Variants in ZSCAN31 observed in about 807,000 individuals in gnomAD.
The protein encoded by ZSCAN31 is zinc finger and SCAN domain containing 31, also known as zinc finger and SCAN domain-containing protein 31.
Under a neutral mutation model 22.5 loss-of-function variants are expected in ZSCAN31, and 14 were observed. That is an observed-to-expected ratio of 0.62 (90% CI 0.41 to 0.97). The LOEUF (loss-of-function observed/expected upper bound fraction) is 0.97, where lower values mean the gene tolerates loss of function less well. Ranked by LOEUF, ZSCAN31 falls within the 50% of genes least tolerant of loss-of-function variation. ZSCAN31 has a pLI of 0.00. For synonymous variants in ZSCAN31, 168 were observed against 169.8 expected (o/e 0.99, Z 0.08); for missense variants, 424 against 483.4 (o/e 0.88, Z 1.15).
At chr6:28,341,321 G>A (rs1764404059) in intron 3 of ZSCAN31, among the ~76,000 whole-genome samples, 1 of 152,222 alleles carries the variant, frequency 6.6e-6, no homozygotes, top group Admixed American at 6.5e-5. Context: ...CCTGAAGGCT[G>A]AGAAGTCCAA....
At chr6:28,327,352 A>G (rs753184153) in intron 3 of ZSCAN31, 31 bp downstream of exon 3, 3 of 1,613,208 alleles carry the variant, frequency 1.9e-6, no homozygotes, top group East Asian at 2.2e-5. Context: ...CCCACCAGAG[A>G]TCTCCTGAAG....
At chr6:28,345,178 GAAAAGA>G (rs1405246274) in intron 2 of ZSCAN31, among the ~76,000 whole-genome samples, 3 of 148,522 alleles carry the variant, frequency 2.0e-5, no homozygotes, top group Non-Finnish European at 3.0e-5. Flanking sequence ...AAAAAGAAAA[GAAAAGA>G]AAAATGATTG....
In ZSCAN31 at chr6:28,329,395, C is replaced by A. The variant is rs774774868; in HGVS notation, c.289G>T (p.Ala97Ser). 41 of 1,614,244 alleles carry A rather than the reference C, an allele frequency of 2.5e-5. 1 individual carries two copies. The East Asian group carries it at 8.9e-4, about 35-fold the overall frequency. ...FLTILPEELQAWVREHHPESG... is the reference protein window; with the variant it reads ...FLTILPEELQSWVREHHPESG... Reference sequence around the variant, plus strand: ...TCCGGATGGTGCTCCCGCACCCAGGCCTGGAGCTCCTCAGGCAGGATAGTC... The same window carrying A: ...TCCGGATGGTGCTCCCGCACCCAGGACTGGAGCTCCTCAGGCAGGATAGTC... Residue 97 changes from alanine to serine, a missense_variant, in exon 2 of 4, where the codon GCC becomes TCC. Coordinates refer to ENST00000344279, the MANE Select transcript of ZSCAN31 (RefSeq NM_030899.5).
Position 28,329,459 on chromosome 6 carries a change from T to C in ZSCAN31, c.225A>G (p.Lys75=). The change falls in exon 2 of 4, where the codon AAA becomes AAG. Residue 75 remains lysine (K), a synonymous_variant. Transcript: ENST00000344279. Reference sequence around the variant, plus strand: ...GCACCAGCAGCTCCAAGATTTGCTCTTTGGTGTGGATTTCTGGCCTTAGCC... The same window carrying C: ...GCACCAGCAGCTCCAAGATTTGCTCCTTGGTGTGGATTTCTGGCCTTAGCC... ...HQWLRPEIHT[K]EQILELLVLE... is the part of the protein sequence containing the mutation. The C allele has an allele frequency of 1.9e-6, 3 of 1,614,162 alleles. No individual in the cohort carries two copies. The South Asian group carries it at 3.3e-5, about 18-fold the overall frequency.
chr6:28,355,785 A>G (rs1304918704), upstream of ZSCAN31: 1 of 152,296 alleles, frequency 6.6e-6, no homozygotes. Flanking sequence ...TCACCCTCCC[A>G]CGAAGGCAAA....
intron 1 of ZSCAN31, among the ~76,000 whole-genome samples, chr6:28,332,091 G>A (rs1581675689): frequency 6.6e-6 from 1 of 152,140 alleles, no homozygotes; most frequent in South Asian, 2.1e-4. Flanking sequence ...TAAGGACAGG[G>A]AAAGGAACAC....
intron 2 of ZSCAN31, among the ~76,000 whole-genome samples, chr6:28,345,156 AAAAAG>A (rs1327752859): frequency 4.3e-4 from 64 of 147,478 alleles, no homozygotes; most frequent in South Asian, 6.4e-4. Context: ...AAAAAAAAAA[AAAAAG>A]AAAAAGAAAA....
chr6:28,334,817 T>C (rs750297309), intron 1 of ZSCAN31, among the ~76,000 whole-genome samples: 1 of 152,276 alleles, frequency 6.6e-6, no homozygotes, highest in Admixed American at 6.5e-5. Flanking sequence ...AAACATGAAC[T>C]AGGTGTTAGG....
rs146522174 is a variant in ZSCAN31, at chr6:28,343,636, C to T, written c.-370-1844G>A. Among the ~76,000 whole-genome samples the T allele has an allele frequency of 9.6e-3, 1,432 of 148,586 alleles. 15 individuals carry two copies. The highest frequency in any genetic ancestry group is 0.016 in the Admixed American group (234 of 14,726). ...TCGGCTCACTGCAAGCTCTGCCTCC[C>T]GGGTTCACGCCATTCTCCTGCTGGG... On this transcript the variant is annotated intron_variant, in intron 2 of 7. Transcript: ENST00000396838.
rs1257289805 is a variant in ZSCAN31 at position 28,327,439 on chromosome 6, G to C, written c.476C>G (p.Pro159Arg). The C allele has an allele frequency of 6.2e-7, 1 of 1,613,992 alleles. No individual in the cohort carries two copies. The highest frequency in any genetic ancestry group is 8.5e-7 in the Non-Finnish European group (1 of 1,180,022). ...KQEPTDIQLQ[P>R]MVTQLRYESF... ...TTCATATCTGAGCTGTGTCACCATA[G>C]GCTGAAGCTGTATGTCTGTTGGTTC... The change falls in exon 3 of 4, where the codon CCT becomes CGT. Residue 159 changes from proline (P) to arginine (R), a missense_variant. Physicochemically the swap from Pro to Arg is moderately radical, Grantham distance 103. Coordinates refer to ENST00000344279, the MANE Select transcript of ZSCAN31 (RefSeq NM_030899.5).
intron 2 of ZSCAN31, among the ~76,000 whole-genome samples, chr6:28,329,010 TCAAGCAGCCC>T (rs1467538584): frequency 6.6e-6 from 1 of 152,108 alleles, no homozygotes; most frequent in African/African-American, 2.4e-5. Flanking sequence ...GTGAGGGCAC[TCAAGCAGCCC>T]CATGAAGAGT....
At position 28,329,586 on chromosome 6, in the gene ZSCAN31, G is replaced by C. The variant is rs1209652936; in HGVS notation, c.98C>G (p.Ser33Cys). ...QETHLRGNNFSGQEASRQLFR... is the reference protein window; with the variant it reads ...QETHLRGNNFCGQEASRQLFR... ...AAGTTGTCGGGAGGCTTCTTGGCCAGAAAAGTTGTTCCCTCGAAGGTGGGT... is the reference window on the plus strand; with the variant it reads ...AAGTTGTCGGGAGGCTTCTTGGCCACAAAAGTTGTTCCCTCGAAGGTGGGT... The change falls in exon 2 of 4, where the codon TCT (serine) becomes TGT (cysteine). Residue 33 changes from serine to cysteine, a missense_variant. Coordinates refer to ENST00000344279, the MANE Select transcript of ZSCAN31 (RefSeq NM_030899.5). 6.2e-7 allele frequency: 1 copy of C among 1,614,218 alleles called. No homozygotes were observed. The highest frequency in any genetic ancestry group is 1.3e-5 in the African/African-American group (1 of 75,054).
intron 1 of ZSCAN31, among the ~76,000 whole-genome samples, chr6:28,334,295 C>A (rs1312926459): frequency 6.6e-6 from 1 of 152,136 alleles, no homozygotes. Flanking sequence ...TGCCTGTAAT[C>A]CACAAAGGAA....
chr6:28,326,702 G>T lies in ZSCAN31; in HGVS notation c.685C>A (p.Gln229Lys), dbSNP rs142209570. Residue 229 changes from glutamine to lysine, a missense_variant, in exon 4 of 4, where the codon CAG becomes AAG. By Grantham distance (53) the Gln-to-Lys change is moderately conservative. Coordinates refer to ENST00000344279, the MANE Select transcript of ZSCAN31 (RefSeq NM_030899.5). ...TCKRDSKAEK[Q>K]QAHSTGERRH... ...CTCTCTCCAGTGGAATGTGCCTGCT[G>T]CTTTTCTGCCTTGCTGTCTCGTTTA... 2 of 1,614,164 alleles carry T rather than the reference G, an allele frequency of 1.2e-6. No homozygotes were observed. Among genetic ancestry groups the T allele is most frequent in the Non-Finnish European group, 1.7e-6 (2 of 1,180,034 alleles).
rs746459318 is a variant in ZSCAN31, at chr6:28,327,426, C to T, written c.489G>A (p.Gln163=). 4 of 1,614,082 alleles carry T rather than the reference C, an allele frequency of 2.5e-6. No individual in the cohort carries two copies. The East Asian group carries it at 6.7e-5, about 27-fold the overall frequency. The change falls in exon 3 of 4, where the codon CAG becomes CAA. Residue 163 remains glutamine, a synonymous_variant. Coordinates refer to ENST00000344279, the MANE Select transcript of ZSCAN31 (RefSeq NM_030899.5). Reference sequence around the variant, plus strand: ...GGAGGCAAAAAGATTCATATCTGAGCTGTGTCACCATAGGCTGAAGCTGTA... The same window carrying T: ...GGAGGCAAAAAGATTCATATCTGAGTTGTGTCACCATAGGCTGAAGCTGTA... ...TDIQLQPMVT[Q]LRYESFCLHQ...
At chr6:28,355,040 G>A (rs1765331956), upstream of ZSCAN31, among the ~76,000 whole-genome samples, 1 of 152,202 alleles carries the variant, frequency 6.6e-6, no homozygotes, top group African/African-American at 2.4e-5. Flanking sequence ...AGCAGTCCAG[G>A]TAGCAGTAGC....
chr6:28,328,685 G>A (rs1763501584), intron 2 of ZSCAN31, among the ~76,000 whole-genome samples: 1 of 152,140 alleles, frequency 6.6e-6, no homozygotes, highest in Non-Finnish European at 1.5e-5. Context: ...CAGCTGACAG[G>A]ATTAAGAGAT....
At chr6:28,336,596 T>C (rs1764180958), upstream of ZSCAN31, among the ~76,000 whole-genome samples, 1 of 151,942 alleles carries the variant, frequency 6.6e-6, no homozygotes, top group Non-Finnish European at 1.5e-5. Flanking sequence ...TTGGACACTT[T>C]CCAACTGGGG....
At chr6:28,330,302 G>C (rs1763641604) in intron 1 of ZSCAN31, among the ~76,000 whole-genome samples, 1 of 151,848 alleles carries the variant, frequency 6.6e-6, no homozygotes. Context: ...GTATAAATAG[G>C]GCCTGCCCAC....
Sources: gnomAD v4.1 joint callset for allele counts (sites outside exome capture counted in the v4.1 genomes callset) on GRCh38, gnomAD v4.1.1 for gene constraint, MANE v1.5 for transcripts, NCBI Gene and HGNC (gene_info 2026-07-23, HGNC 2026-07-21) for gene names.